The following CHRNA4 variants were observed in gnomAD, a reference collection of about 807,000 sequenced individuals.
The protein encoded by CHRNA4 is neuronal acetylcholine receptor subunit alpha-4.
CHRNA4 carries 28 observed loss-of-function variants against 48.9 expected under a neutral mutation model. That is an observed-to-expected ratio of 0.57 (90% CI 0.42 to 0.79). The LOEUF (loss-of-function observed/expected upper bound fraction) is 0.79. Ranked by LOEUF, CHRNA4 falls within the 30% of genes least tolerant of loss-of-function variation. CHRNA4 has a pLI of 0.00. For missense variants in CHRNA4, 859 were observed against 898.4 expected, an observed-to-expected ratio of 0.96 and a Z score of 0.56; for synonymous variants, 425 against 402.3, an observed-to-expected ratio of 1.06 and a Z score of -0.68.
chr20:63,353,358 T>A (rs562450048), intron 4 of CHRNA4, among the ~76,000 whole-genome samples: 20 of 151,606 alleles, frequency 1.3e-4, no homozygotes, highest in Non-Finnish European at 2.7e-4. Flanking sequence ...AAAACTGGGG[T>A]CACCCCACTA....
At chr20:63,347,039 C>T (rs756800196) in intron 5 of CHRNA4, 176 bp from the exon 6 acceptor site, 31 of 879,894 alleles carry the variant, frequency 3.5e-5, no homozygotes, top group Non-Finnish European at 4.5e-5. Flanking sequence ...TTGGGGTGCA[C>T]GGGACAGCCA....
chr20:63,343,447 T>G lies in CHRNA4; in HGVS notation c.*3291A>C. 2.2e-6 allele frequency: 1 copy of G among 454,106 alleles called. No homozygotes were observed. The allele number at this position is 454,106 out of a possible 1,614,324, so 28.1% of individuals were successfully genotyped here. On this transcript the variant is annotated 3_prime_UTR_variant, in exon 6 of 6. Transcript: ENST00000370263. ...GTGCAAGGTGAAAGGACTCAGCCAC[T>G]TTAGAAATCCGAAGCCGCCTCTGCT...
intron 2 of CHRNA4, among the ~76,000 whole-genome samples, chr20:63,357,301 C>T (rs558623641): frequency 4.8e-3 from 79 of 16,544 alleles, no homozygotes; most frequent in Admixed American, 0.039. Flanking sequence ...GGACCTCATC[C>T]CCTCAGGACC....
chr20:63,356,932 A>G (rs2068726570), intron 2 of CHRNA4, among the ~76,000 whole-genome samples: 1 of 150,376 alleles, frequency 6.6e-6, no homozygotes, highest in African/African-American at 2.5e-5. Flanking sequence ...CACTCACCCC[A>G]GCCCCTTCCG....
chr20:63,354,642 G>A, intron 4 of CHRNA4: 1 of 679,492 alleles, frequency 1.5e-6, no homozygotes, highest in Non-Finnish European at 1.8e-6. Context: ...GGTCACAGTG[G>A]GGGCTGTGGT....
rs1391973887 is a variant in CHRNA4, at chr20:63,345,081, A to G, written c.*1657T>C. The G allele has an allele frequency of 2.2e-6, 1 of 453,934 alleles. No individual in the cohort carries two copies. Among genetic ancestry groups the G allele is most frequent in the Admixed American group, 2.3e-5 (1 of 42,564 alleles). 28.1% of individuals were successfully genotyped at this position (453,934 alleles called of 1,614,324 possible). A position where few individuals can be genotyped will look rare whatever the true frequency, so the allele number is the denominator to read the frequency against. ...GTGGGCCTGAGTCTCCTCCCCACTC[A>G]CGTCACTGCCCGCGGGGACACAGCG... On this transcript the variant is annotated 3_prime_UTR_variant, in exon 6 of 6. Coordinates refer to ENST00000370263, the MANE Select transcript of CHRNA4 (RefSeq NM_000744.7). The surrounding 1 kb of genome is among the most constrained non-coding windows in gnomAD (Gnocchi z 5.4).
In CHRNA4 at chr20:63,354,232, G is replaced by A. The variant is rs998402436; in HGVS notation, c.383+1743C>T. On this transcript the variant is annotated intron_variant, in intron 4 of 5. Transcript: ENST00000370263. ...TCCTGGGGGGCTGTGGTCCTAGGGG[G>A]CTGTGGTCCTAAATGGGGCTGTGGT... is the stretch of plus-strand genomic sequence containing the variant. 2.1e-4 allele frequency among the ~76,000 whole-genome samples: 26 copies of A among 123,650 alleles called. No homozygotes were observed. In the East Asian group the frequency reaches 2.1e-3, roughly 10 times the overall value. The allele number at this position is 123,650 out of a possible 152,430, so 81.1% of individuals were successfully genotyped here.
chr20:63,359,124 G>A (rs1459714609), intron 2 of CHRNA4, among the ~76,000 whole-genome samples: 4 of 152,200 alleles, frequency 2.6e-5, no homozygotes, highest in African/African-American at 9.6e-5. Context: ...AGGGGCCTCT[G>A]GGGCCAGCTA....
intron 1 of CHRNA4, chr20:63,360,259 G>C (rs1331924964): frequency 6.0e-6 from 1 of 166,008 alleles, no homozygotes; most frequent in Non-Finnish European, 1.3e-5. Flanking sequence ...GCCCCCACAA[G>C]CGCCCGCTTC....
chr20:63,347,126 C>A (rs1178436225), intron 5 of CHRNA4, among the ~76,000 whole-genome samples: 1 of 152,212 alleles, frequency 6.6e-6, no homozygotes, highest in Non-Finnish European at 1.5e-5. Context: ...GCTGGGCAGA[C>A]CCCCTTGTGG....
At chr20:63,346,941 C>G in intron 5 of CHRNA4, 78 bp from the exon 6 acceptor site, 1 of 1,598,434 alleles carries the variant, frequency 6.3e-7, no homozygotes, top group Non-Finnish European at 8.5e-7. Flanking sequence ...CCGGCGCCGC[C>G]GGCAACAGCT....
intron 2 of CHRNA4, among the ~76,000 whole-genome samples, chr20:63,357,216 T>C (rs1176380905): frequency 1.4e-5 from 2 of 138,640 alleles, no homozygotes; most frequent in Non-Finnish European, 3.1e-5. Flanking sequence ...CCACTGACCA[T>C]GTCCCCACAG....
chr20:63,354,597 G>A, intron 4 of CHRNA4: 2 of 280,004 alleles, frequency 7.1e-6, no homozygotes, highest in Non-Finnish European at 9.0e-6. Context: ...GGGGGGGGCT[G>A]CAGTACTCGG....
intron 4 of CHRNA4, 105 bp downstream of exon 4, chr20:63,355,870 G>A (rs141864244): frequency 1.1e-5 from 16 of 1,492,824 alleles, no homozygotes; most frequent in Admixed American, 1.9e-5. Context: ...GCCCCGCTGG[G>A]CCAGGCTGGG....
rs753617777 is a variant in CHRNA4 at position 63,345,134 on chromosome 20, G to A, written c.*1604C>T. 4.4e-6 allele frequency: 2 copies of A among 454,006 alleles called. No homozygotes were observed. Among genetic ancestry groups the A allele is most frequent in the South Asian group, 3.1e-5 (2 of 64,450 alleles). 28.1% of individuals were successfully genotyped at this position (454,006 alleles called of 1,614,324 possible). ...ATTTCTGGGGCACTCGGCATGCCGG[G>A]TTCCTAACCTCAATTATTCATTCTG... On this transcript the variant is annotated 3_prime_UTR_variant, in exon 6 of 6. Coordinates refer to ENST00000370263, the MANE Select transcript of CHRNA4 (RefSeq NM_000744.7). The surrounding 1 kb of genome is among the most constrained non-coding windows in gnomAD (Gnocchi z 5.4).
chr20:63,351,063 A>G (rs1213833397), intron 4 of CHRNA4, 36 bp from the exon 5 acceptor site: 1 of 1,592,450 alleles, frequency 6.3e-7, no homozygotes. Flanking sequence ...TGAGACCCCC[A>G]CATCCATGCC....
Position 63,359,675 on chromosome 20 carries a change from G to A in CHRNA4, c.101C>T (p.Ala34Val), listed in dbSNP as rs2068775206. 6.2e-7 allele frequency: 1 copy of A among 1,611,558 alleles called. No homozygotes were observed. Among genetic ancestry groups the A allele is most frequent in the East Asian group, 2.2e-5 (1 of 44,878 alleles). ...LRASSHVETR[A>V]HAEERLLKKL... ...CTTCAGGAGCCGCTCCTCGGCGTGGGCCCGGGTCTCCACATGGCTGCTGGC... is the reference window on the plus strand; with the variant it reads ...CTTCAGGAGCCGCTCCTCGGCGTGGACCCGGGTCTCCACATGGCTGCTGGC... The change falls in exon 2 of 6, where the codon GCC (alanine) becomes GTC (valine). Residue 34 changes from alanine (A) to valine (V), a missense_variant. Ala to Val is a moderately conservative substitution (Grantham distance 64, BLOSUM62 0). This residue lies in a region of CHRNA4 where 342 missense variants were observed against 365.3 expected (regional missense o/e 0.94). Coordinates refer to ENST00000370263, the MANE Select transcript of CHRNA4 (RefSeq NM_000744.7).
At chr20:63,358,052 G>A (rs2068745610) in intron 2 of CHRNA4, among the ~76,000 whole-genome samples, 1 of 152,188 alleles carries the variant, frequency 6.6e-6, no homozygotes, top group Non-Finnish European at 1.5e-5. Flanking sequence ...TCACTTTGCA[G>A]CCGTGTTTGC....
intron 4 of CHRNA4, chr20:63,355,304 C>A: frequency 2.8e-6 from 1 of 359,814 alleles, no homozygotes; most frequent in Non-Finnish European, 5.4e-6. Flanking sequence ...GCTGCCCTGG[C>A]TTCCAGGCAC....
Sources: allele counts gnomAD v4.1 joint callset (sites outside exome capture counted in the v4.1 genomes callset), GRCh38; gene constraint gnomAD v4.1.1; regional missense constraint gnomAD v4.1.1; non-coding constraint Gnocchi (gnomAD v3.1); transcripts MANE v1.5; gene names NCBI Gene and HGNC (gene_info 2026-07-23, HGNC 2026-07-21).